Variants in MSRA observed in about 807,000 individuals in gnomAD.
The protein encoded by MSRA is methionine sulfoxide reductase A.
MSRA carries 54 observed loss-of-function variants against 31.3 expected under a neutral mutation model. The ratio of observed to expected loss-of-function variants is 1.73; its 90% CI spans 1.39 to 2.17. The LOEUF (loss-of-function observed/expected upper bound fraction) is 2.17, where lower values mean the gene tolerates loss of function less well. Ranked by LOEUF, MSRA falls within the 30% of genes most tolerant of loss-of-function variation. The pLI is 0.00. For synonymous variants in MSRA, 169 were observed against 116.5 expected, an observed-to-expected ratio of 1.45 and a Z score of -2.90; for missense variants, 507 against 300.9, an observed-to-expected ratio of 1.69 and a Z score of -5.07.
intron 3 of MSRA, among the ~76,000 whole-genome samples, chr8:10,287,205 T>G (rs754146855): frequency 1.1e-4 from 16 of 152,158 alleles, no homozygotes; most frequent in African/African-American, 2.7e-4. Context: ...TAGCAATAAT[T>G]TAGTAGTTAC....
At position 10,182,791 on chromosome 8, in the gene MSRA, C is replaced by G. The variant is rs761754355; in HGVS notation, c.143-25042C>G. On this transcript the variant is annotated intron_variant, in intron 1 of 5. Coordinates refer to ENST00000317173, the MANE Select transcript of MSRA (RefSeq NM_012331.5). ...TTTCCAACATGGCAGCCTGCTTCAT[C>G]AAAGCACCAGAGAGAGTGTCCTAGT... 5.3e-5 allele frequency among the ~76,000 whole-genome samples: 8 copies of G among 152,240 alleles called. No individual in the cohort carries two copies. In the East Asian group the frequency reaches 7.8e-4, roughly 15 times the overall value.
chr8:10,130,865 C>T (rs1801843381), intron 1 of MSRA, among the ~76,000 whole-genome samples: 1 of 152,134 alleles, frequency 6.6e-6, no homozygotes, highest in Non-Finnish European at 1.5e-5. Context: ...CTAATGACAC[C>T]TCCGAGGAAT....
intron 4 of MSRA, 110 bp downstream of exon 4, chr8:10,301,748 G>T: frequency 2.4e-6 from 2 of 830,200 alleles, no homozygotes; most frequent in Non-Finnish European, 3.8e-6. Flanking sequence ...AGGAGCTCAA[G>T]AATATGATTG....
At chr8:10,293,419 C>T (rs1347122057) in intron 3 of MSRA, among the ~76,000 whole-genome samples, 2 of 152,228 alleles carry the variant, frequency 1.3e-5, no homozygotes, top group African/African-American at 4.8e-5. Flanking sequence ...CCGTGTGCGT[C>T]TGACGTCCCG....
chr8:10,121,152 G>T (rs1215347963), intron 1 of MSRA, among the ~76,000 whole-genome samples: 1 of 152,140 alleles, frequency 6.6e-6, no homozygotes, highest in Non-Finnish European at 1.5e-5. Context: ...CAATAAGTTT[G>T]TCGATGGTAG....
chr8:10,209,691 G>A (rs1809305820), intron 2 of MSRA, among the ~76,000 whole-genome samples: 1 of 152,206 alleles, frequency 6.6e-6, no homozygotes, highest in Non-Finnish European at 1.5e-5. Flanking sequence ...TGAGGAGGCT[G>A]ACAGGTGAAC....
chr8:10,335,823 ATT>A (rs1341808525), intron 5 of MSRA, among the ~76,000 whole-genome samples: 1 of 152,196 alleles, frequency 6.6e-6, no homozygotes, highest in East Asian at 1.9e-4. Flanking sequence ...TTTCACAAAC[ATT>A]CTCTCCTCTG....
At chr8:10,072,768 C>G (rs1205064265) in intron 1 of MSRA, among the ~76,000 whole-genome samples, 3 of 152,322 alleles carry the variant, frequency 2.0e-5, no homozygotes, top group East Asian at 3.9e-4. Context: ...CCTTCAACTT[C>G]TTTCATCAGC....
intron 1 of MSRA, chr8:10,096,008 A>G (rs775336392): frequency 2.1e-6 from 3 of 1,445,764 alleles, no homozygotes; most frequent in East Asian, 2.6e-5. Context: ...CTTTCAAATC[A>G]AATCAGAAAG....
chr8:10,282,192 T>G (rs764356204), intron 3 of MSRA, among the ~76,000 whole-genome samples: 1 of 152,186 alleles, frequency 6.6e-6, no homozygotes, highest in Non-Finnish European at 1.5e-5. Flanking sequence ...TTATAAACAT[T>G]CTCCTCTCAC....
chr8:10,283,239 C>T (rs960960269), intron 3 of MSRA, among the ~76,000 whole-genome samples: 2 of 151,790 alleles, frequency 1.3e-5, no homozygotes, highest in Admixed American at 6.6e-5. Flanking sequence ...TGCATTCAGA[C>T]GTTCTCTTAG....
At chr8:10,420,546 T>C (rs1808745182) in intron 5 of MSRA, among the ~76,000 whole-genome samples, 4 of 152,264 alleles carry the variant, frequency 2.6e-5, no homozygotes, top group South Asian at 2.1e-4. Context: ...CTTTCCTTCA[T>C]GTTGGGGTCT....
chr8:10,129,214 C>G (rs972977226), intron 1 of MSRA, among the ~76,000 whole-genome samples: 6 of 152,018 alleles, frequency 3.9e-5, no homozygotes, highest in Non-Finnish European at 7.4e-5. Flanking sequence ...CTGTCTTGGT[C>G]ACCCCTGGAC....
chr8:10,225,660 A>G (rs1328676626), intron 2 of MSRA, among the ~76,000 whole-genome samples: 1 of 152,176 alleles, frequency 6.6e-6, no homozygotes, highest in African/African-American at 2.4e-5. Flanking sequence ...TTTGGGCTTT[A>G]GCTGTTGATG....
At chr8:10,281,589 A>C (rs906433343) in intron 3 of MSRA, among the ~76,000 whole-genome samples, 1 of 152,236 alleles carries the variant, frequency 6.6e-6, no homozygotes, top group African/African-American at 2.4e-5. Context: ...ACCGCATATA[A>C]CACAACTTAG....
intron 1 of MSRA, among the ~76,000 whole-genome samples, chr8:10,206,023 T>A (rs1192046711): frequency 6.6e-6 from 1 of 152,260 alleles, no homozygotes. Flanking sequence ...TCATAGATAT[T>A]ATGTGTATCA....
chr8:10,089,151 C>G (rs189500359), intron 1 of MSRA, among the ~76,000 whole-genome samples: 3 of 152,072 alleles, frequency 2.0e-5, no homozygotes, highest in African/African-American at 4.8e-5. Flanking sequence ...CACACACACA[C>G]ACACACACAC....
At chr8:10,158,481 C>T (rs905122911) in intron 1 of MSRA, among the ~76,000 whole-genome samples, 7 of 152,164 alleles carry the variant, frequency 4.6e-5, no homozygotes, top group African/African-American at 1.7e-4. Flanking sequence ...TAATATGTGG[C>T]CTATTGGCTT....
At chr8:10,351,833 C>T (rs1182036571) in intron 5 of MSRA, among the ~76,000 whole-genome samples, 4 of 152,094 alleles carry the variant, frequency 2.6e-5, no homozygotes, top group African/African-American at 9.7e-5. Flanking sequence ...CTGGATGAAC[C>T]CAGACTGCTT....
Sources: gnomAD v4.1 joint callset for allele counts (sites outside exome capture counted in the v4.1 genomes callset) on GRCh38, gnomAD v4.1.1 for gene constraint, MANE v1.5 for transcripts, NCBI Gene and HGNC (gene_info 2026-07-23, HGNC 2026-07-21) for gene names.